DPP6: variants seen among roughly 807,000 people sequenced by gnomAD.
DPP6 encodes dipeptidyl peptidase like 6, also known as A-type potassium channel modulatory protein DPP6.
In DPP6, 69 loss-of-function variants were observed where a neutral mutation model predicts 122.6. The observed-to-expected ratio is 0.56, with a 90% CI of 0.46 to 0.69. The LOEUF is 0.69. DPP6 is among the 30% of genes least tolerant of loss of function. DPP6 has a pLI of 0.00. For synonymous variants in DPP6, 418 were observed against 433.1 expected (o/e 0.97, Z 0.43); for missense variants, 928 against 1,116.9 (o/e 0.83, Z 2.41).
rs1292256890 is a variant in DPP6 at position 154,282,864 on chromosome 7, T to C, written c.244-163350T>C. Among the ~76,000 whole-genome samples, 2 of 152,190 alleles carry C rather than the reference T, an allele frequency of 1.3e-5. No homozygotes were observed. Among genetic ancestry groups the C allele is most frequent in the South Asian group, 2.1e-4 (1 of 4,828 alleles). ...GAGGTTGAAGGAGAGATTGCCACTC[T>C]TTGGAGCCACATCTGAATGCCAGAA... On this transcript the variant is annotated intron_variant, in intron 1 of 25. Coordinates refer to ENST00000377770, the MANE Select transcript of DPP6 (RefSeq NM_130797.4). This position sits in a 1 kb window ranked among gnomAD's most constrained non-coding sequence, Gnocchi z 4.8.
intron 8 of DPP6, among the ~76,000 whole-genome samples, chr7:154,745,021 G>A (rs1375586635): frequency 1.3e-5 from 2 of 152,218 alleles, no homozygotes; most frequent in African/African-American, 2.4e-5. Context: ...TATTACTCAG[G>A]CAGATGGATT....
chr7:154,387,801 G>C (rs7794191), intron 1 of DPP6, among the ~76,000 whole-genome samples: 122,041 of 152,150 alleles, frequency 0.8, 48,975 homozygotes, highest in East Asian at 0.87. Context: ...AGGAGAAGCT[G>C]GTGACTAACC....
chr7:154,062,145 A>C (rs10235571), intron 1 of DPP6, among the ~76,000 whole-genome samples: 2 of 90,294 alleles, frequency 2.2e-5, no homozygotes, highest in African/African-American at 3.9e-5. Context: ...CCAGACCCTC[A>C]TCCCCCACCG....
chr7:153,749,968 C>G, the DPP6 span, among the ~76,000 whole-genome samples: 2 of 152,164 alleles, frequency 1.3e-5, no homozygotes, highest in Admixed American at 1.3e-4. The surrounding 1 kb of genome is among the most constrained non-coding windows in gnomAD (Gnocchi z 4.1). Flanking sequence ...TGTGTGTACA[C>G]TTTATGTAAG....
intron 5 of DPP6, among the ~76,000 whole-genome samples, chr7:154,627,556 A>G (rs776842158): frequency 1.3e-5 from 2 of 152,186 alleles, no homozygotes; most frequent in African/African-American, 2.4e-5. Context: ...GGTATAAAAT[A>G]TATTGGCAAG....
chr7:154,681,485 G>T (rs2131169159), intron 7 of DPP6, among the ~76,000 whole-genome samples: 1 of 152,342 alleles, frequency 6.6e-6, no homozygotes, highest in African/African-American at 2.4e-5. Context: ...ACCTTTGGAT[G>T]ATGGGGCGTG....
chr7:154,879,919 A>T (rs1359223950), intron 20 of DPP6, among the ~76,000 whole-genome samples: 1 of 152,198 alleles, frequency 6.6e-6, no homozygotes, highest in Admixed American at 6.5e-5. Context: ...GGCACAGCGC[A>T]CGCCAGGAAA....
At chr7:154,073,937 G>C (rs1223649489) in intron 1 of DPP6, among the ~76,000 whole-genome samples, 3 of 152,234 alleles carry the variant, frequency 2.0e-5, no homozygotes, top group African/African-American at 7.2e-5. Flanking sequence ...AGTGAGCTGA[G>C]ATTGTGCCAC....
chr7:154,707,068 G>A (rs1249612150), intron 7 of DPP6, among the ~76,000 whole-genome samples: 1 of 152,226 alleles, frequency 6.6e-6, no homozygotes, highest in Non-Finnish European at 1.5e-5. Context: ...ATTTGCTGGA[G>A]TGGAAAATGA....
chr7:154,870,756 A>AT (rs1804312857), intron 18 of DPP6, among the ~76,000 whole-genome samples: 1 of 152,064 alleles, frequency 6.6e-6, no homozygotes, highest in Non-Finnish European at 1.5e-5. Context: ...TGAGGTCAGG[A>AT]GTTCAAGACC....
chr7:154,184,626 G>A (rs1250978674), intron 1 of DPP6, among the ~76,000 whole-genome samples: 3 of 151,742 alleles, frequency 2.0e-5, no homozygotes, highest in African/African-American at 7.3e-5. Context: ...ATTTTGGAGG[G>A]TGAGTAAAAG....
chr7:154,693,065 T>A (rs1472829401), intron 7 of DPP6, among the ~76,000 whole-genome samples: 1 of 152,198 alleles, frequency 6.6e-6, no homozygotes, highest in Admixed American at 6.5e-5. Flanking sequence ...GTGCTGGGAT[T>A]ACAGGTGTGA....
intron 5 of DPP6, among the ~76,000 whole-genome samples, chr7:154,604,850 C>G (rs964378596): frequency 1.7e-5 from 2 of 120,092 alleles, no homozygotes; most frequent in African/African-American, 5.3e-5. Context: ...TCTCCCCGTC[C>G]TTGCCTATCT....
chr7:154,725,671 C>T (rs1379356906), intron 7 of DPP6, among the ~76,000 whole-genome samples: 1 of 152,122 alleles, frequency 6.6e-6, no homozygotes, highest in Non-Finnish European at 1.5e-5. Context: ...CACTCCTGTC[C>T]CCTCCCAGAT....
At chr7:154,028,591 C>T (rs555720073) in intron 1 of DPP6, among the ~76,000 whole-genome samples, 1 of 151,882 alleles carries the variant, frequency 6.6e-6, no homozygotes, top group East Asian at 1.9e-4. Flanking sequence ...CACATCTTCT[C>T]ATCTTGATAG....
rs1047416550 is a variant in DPP6, at chr7:154,328,397, A to G, written c.244-117817A>G. ...CGGGCCTGGAAGGGATTCCTGTTCA[A>G]TTAGTGGAATATTTACAGAAGTGTT... On this transcript the variant is annotated intron_variant, in intron 1 of 25. Coordinates refer to ENST00000377770, the MANE Select transcript of DPP6 (RefSeq NM_130797.4). 2.6e-5 allele frequency among the ~76,000 whole-genome samples: 4 copies of G among 152,210 alleles called. No homozygotes were observed. The East Asian group carries it at 5.8e-4, about 22-fold the overall frequency.
At chr7:154,723,121 T>G (rs1254313790) in intron 7 of DPP6, among the ~76,000 whole-genome samples, 1 of 151,454 alleles carries the variant, frequency 6.6e-6, no homozygotes, top group Non-Finnish European at 1.5e-5. Flanking sequence ...TAGCCAGGAG[T>G]GGTGGCTGGC....
At chr7:154,128,679 G>A (rs1485626455) in intron 1 of DPP6, among the ~76,000 whole-genome samples, 4 of 147,446 alleles carry the variant, frequency 2.7e-5, no homozygotes, top group African/African-American at 4.9e-5. Context: ...GTGAGACACC[G>A]TGCCCAGCCC....
At chr7:154,426,808 T>TAAAAAAAAAAAA (rs34741334) in intron 1 of DPP6, among the ~76,000 whole-genome samples, 1 of 109,676 alleles carries the variant, frequency 9.1e-6, no homozygotes, top group Non-Finnish European at 2.0e-5. Context: ...TACTCTGCCT[T>TAAAAAAAAAAAA]AAAAAAAAAA....
Sources: gnomAD v4.1 joint callset for allele counts (sites outside exome capture counted in the v4.1 genomes callset) on GRCh38, gnomAD v4.1.1 for gene constraint, Gnocchi (gnomAD v3.1) non-coding constraint, MANE v1.5 for transcripts, NCBI Gene and HGNC (gene_info 2026-07-23, HGNC 2026-07-21) for gene names.